The following DOCK8 variants were observed in gnomAD, a reference collection of about 807,000 sequenced individuals.
DOCK8 encodes dedicator of cytokinesis protein 8.
In DOCK8, 141 loss-of-function variants were observed where a neutral mutation model predicts 245.6. That is an observed-to-expected ratio of 0.57 (90% CI 0.50 to 0.66). The LOEUF is 0.66. Among genes scored for constraint, DOCK8 ranks in the 30% least tolerant of loss-of-function variants. The pLI is 0.00. For synonymous variants in DOCK8, 1,168 were observed against 970.2 expected (o/e 1.20, Z -3.79); for missense variants, 2,965 against 2,603.4 (o/e 1.14, Z -3.02).
chr9:354,582 G>C (rs899802612), intron 14 of DOCK8, among the ~76,000 whole-genome samples: 2 of 152,148 alleles, frequency 1.3e-5, no homozygotes, highest in Non-Finnish European at 2.9e-5. Flanking sequence ...CTGAGCTTTC[G>C]AAAAGTGCAG....
intron 1 of DOCK8, among the ~76,000 whole-genome samples, chr9:232,823 T>G (rs563692859): frequency 6.6e-6 from 1 of 152,300 alleles, no homozygotes; most frequent in Non-Finnish European, 1.5e-5. Flanking sequence ...GTCTATCAAT[T>G]TTGTTGATCT....
intron 1 of DOCK8, among the ~76,000 whole-genome samples, chr9:240,226 C>T (rs934917929): frequency 6.6e-6 from 1 of 152,132 alleles, no homozygotes; most frequent in African/African-American, 2.4e-5. Flanking sequence ...CAAATAAGTA[C>T]AAACTGGCAA....
chr9:302,161 A>G (rs2049583801), intron 4 of DOCK8, among the ~76,000 whole-genome samples: 1 of 152,238 alleles, frequency 6.6e-6, no homozygotes, highest in African/African-American at 2.4e-5. Flanking sequence ...CACGTAGACC[A>G]ATAGAACAAG....
chr9:463,932 A>C (rs1271339633), intron 47 of DOCK8, among the ~76,000 whole-genome samples: 4 of 152,170 alleles, frequency 2.6e-5, no homozygotes, highest in African/African-American at 9.7e-5. Context: ...CCAGGGCTGA[A>C]TGATGGCCTG....
chr9:335,063 C>T (rs1033387210), intron 11 of DOCK8, among the ~76,000 whole-genome samples: 41 of 151,948 alleles, frequency 2.7e-4, no homozygotes, highest in African/African-American at 1.2e-4. Flanking sequence ...GCCTGGGCAA[C>T]AGAGCATGAC....
chr9:431,403 G>A (rs2056706891), intron 36 of DOCK8, among the ~76,000 whole-genome samples: 1 of 152,146 alleles, frequency 6.6e-6, no homozygotes, highest in Admixed American at 6.5e-5. Context: ...TTCCTCAGGG[G>A]ACCTTGAGGT....
At position 328,122 on chromosome 9, in the gene DOCK8, C is replaced by T; in HGVS notation, c.995C>T (p.Ala332Val). ...SVAASSQARSAVFSVTYPSSD... is the reference protein window; with the variant it reads ...SVAASSQARSVVFSVTYPSSD... The stretch of plus-strand genomic sequence containing the variant: ...GCCGCATCAAGTCAGGCGAGATCTG[C>T]AGTCTTCTCAGTCACCTACCCGTCC... Residue 332 changes from alanine (A) to valine (V), a missense_variant, in exon 9 of 48, where the codon GCA becomes GTA. By Grantham distance (64) the Ala-to-Val change is moderately conservative. This residue lies in a region of DOCK8 where 2,825 missense variants were observed against 2,453.5 expected (regional missense o/e 1.15). Transcript: ENST00000432829. The T allele has an allele frequency of 1.2e-6, 2 of 1,614,192 alleles. No individual in the cohort carries two copies. The highest frequency in any genetic ancestry group is 1.7e-6 in the Non-Finnish European group (2 of 1,180,018).
chr9:373,136 C>G (rs751190729), intron 18 of DOCK8, among the ~76,000 whole-genome samples: 1 of 152,154 alleles, frequency 6.6e-6, no homozygotes. Flanking sequence ...CACTGCACTG[C>G]AGCCTGGGTG....
chr9:214,916 G>A lies in DOCK8; in HGVS notation c.-61G>A, dbSNP rs760849727. The A allele has an allele frequency of 6.2e-7, 1 of 1,604,060 alleles. No homozygotes were observed. Among genetic ancestry groups the A allele is most frequent in the East Asian group, 2.3e-5 (1 of 43,928 alleles). On this transcript the variant is annotated 5_prime_UTR_variant, in exon 1 of 48. Transcript: ENST00000432829. ...GCATGTTCCGCGGCTACTCTGCGGC[G>A]CGCCAGGCCCCCGCTTTCCGCACCC...
At position 357,122 on chromosome 9, in the gene DOCK8, T is replaced by C. The variant is rs552949620; in HGVS notation, c.1680-10896T>C. 7.7e-4 allele frequency among the ~76,000 whole-genome samples: 117 copies of C among 152,330 alleles called. 2 individuals carry two copies. In the Middle Eastern group the frequency reaches 0.02, roughly 27 times the overall value. On this transcript the variant is annotated intron_variant, in intron 14 of 47. Transcript: ENST00000432829. ...GCTCCTTTCACCCATTTCTAAAAGA[T>C]AGCATTCTTGAGGGTCTGCTTTATT... is the stretch of plus-strand genomic sequence containing the variant.
intron 1 of DOCK8, among the ~76,000 whole-genome samples, chr9:238,485 G>A (rs112201140): frequency 6.6e-6 from 1 of 152,182 alleles, no homozygotes; most frequent in Admixed American, 6.5e-5. Flanking sequence ...ACTGGAAATA[G>A]GAGATGGAGA....
chr9:400,418 C>T (rs1171098560), intron 26 of DOCK8, among the ~76,000 whole-genome samples: 1 of 69,290 alleles, frequency 1.4e-5, no homozygotes. Flanking sequence ...ACCACCACCA[C>T]CTCCACCATC....
rs370992977 is a variant in DOCK8, at chr9:219,499, G to C, written c.53+4470G>C. ...TAAAATAAAATAAAAAATAAAAAAG[G>C]AACAAAGTATTAGGCATAATAATCA... On this transcript the variant is annotated intron_variant, in intron 1 of 47. Coordinates refer to ENST00000432829, the MANE Select transcript of DOCK8 (RefSeq NM_203447.4). 2.4e-4 allele frequency among the ~76,000 whole-genome samples: 37 copies of C among 152,172 alleles called. 1 individual carries two copies. In the East Asian group the frequency reaches 4.4e-3, roughly 18 times the overall value.
intron 1 of DOCK8, among the ~76,000 whole-genome samples, chr9:269,136 A>G (rs1394031427): frequency 6.6e-6 from 1 of 152,240 alleles, no homozygotes; most frequent in Non-Finnish European, 1.5e-5. Context: ...ATTCACAGTC[A>G]TCACTACAAT....
rs150595667 is a variant in DOCK8, at chr9:340,298, A to G, written c.1656A>G (p.Val552=). ...TTTTGGAATTTCCAACACGAGAAGT[A>G]TATGTCCCTCACACTGTGTACAGGT... ...KEILEFPTRE[V]YVPHTVYRNL... is the part of the protein sequence containing the mutation. The change falls in exon 14 of 48, where the codon GTA becomes GTG. Residue 552 remains valine (V), a synonymous_variant. Transcript: ENST00000432829. The G allele has an allele frequency of 3.2e-5, 52 of 1,614,060 alleles. 1 individual carries two copies. Among genetic ancestry groups the G allele is most frequent in the Middle Eastern group, 1.6e-4 (1 of 6,082 alleles).
At chr9:306,979 G>A (rs916613064) in intron 5 of DOCK8, among the ~76,000 whole-genome samples, 2 of 152,158 alleles carry the variant, frequency 1.3e-5, no homozygotes, top group Non-Finnish European at 2.9e-5. Context: ...TTGCCCGGCT[G>A]GTGCTGGTAC....
At chr9:313,406 CTTTCT>C (rs1308080758) in intron 6 of DOCK8, among the ~76,000 whole-genome samples, 3 of 152,226 alleles carry the variant, frequency 2.0e-5, no homozygotes. Flanking sequence ...TTTACTCCAG[CTTTCT>C]TTTCTTTTCT....
chr9:275,493 G>A (rs2048308317), intron 2 of DOCK8, among the ~76,000 whole-genome samples: 2 of 152,130 alleles, frequency 1.3e-5, no homozygotes, highest in Admixed American at 6.5e-5. Flanking sequence ...TCCTGGGGGT[G>A]GGGACCAAGC....
intron 2 of DOCK8, chr9:272,942 C>T: frequency 8.7e-6 from 6 of 685,766 alleles, no homozygotes; most frequent in Non-Finnish European, 1.1e-5. Context: ...GCTGGTTCTG[C>T]TGCTTATCTT....
Sources: gnomAD v4.1 joint callset for allele counts (sites outside exome capture counted in the v4.1 genomes callset) on GRCh38, gnomAD v4.1.1 for gene constraint, gnomAD v4.1.1 regional missense constraint, MANE v1.5 for transcripts, NCBI Gene and HGNC (gene_info 2026-07-23, HGNC 2026-07-21) for gene names.